Variants in BCAS1 observed in about 807,000 individuals in gnomAD.
The protein encoded by BCAS1 is breast carcinoma-amplified sequence 1.
A neutral mutation model predicts 65.4 loss-of-function variants in BCAS1; 46 were observed. The observed-to-expected ratio is 0.70, with a 90% CI of 0.55 to 0.90. The LOEUF (loss-of-function observed/expected upper bound fraction) is 0.90, where lower values mean the gene tolerates loss of function less well. Among genes scored for constraint, BCAS1 ranks in the 40% least tolerant of loss-of-function variants. The probability of loss-of-function intolerance (pLI) is 0.00; values close to 1 mark genes in which losing one functional copy is unlikely to be tolerated. For missense variants in BCAS1, 793 were observed against 771.2 expected, an observed-to-expected ratio of 1.03 and a Z score of -0.33; for synonymous variants, 298 against 293.5, an observed-to-expected ratio of 1.02 and a Z score of -0.16.
intron 4 of BCAS1, among the ~76,000 whole-genome samples, chr20:54,000,689 C>T (rs1285333357): frequency 6.6e-6 from 1 of 152,100 alleles, no homozygotes; most frequent in African/African-American, 2.4e-5. Context: ...CACCCACTGC[C>T]CTGTGGTTCC....
chr20:53,987,311 G>A (rs988358682), intron 7 of BCAS1, among the ~76,000 whole-genome samples: 3 of 152,178 alleles, frequency 2.0e-5, no homozygotes, highest in Admixed American at 1.3e-4. Flanking sequence ...ATACAAAATG[G>A]CAAAATGTTG....
At chr20:54,029,490 C>A (rs290453) in intron 3 of BCAS1, among the ~76,000 whole-genome samples, 55,333 of 152,032 alleles carry the variant, frequency 0.36, 10,106 homozygotes, top group South Asian at 0.46. Context: ...GTCATGGCAA[C>A]CAAAAATATC....
chr20:53,977,865 T>G (rs1398249181), intron 8 of BCAS1, among the ~76,000 whole-genome samples: 1 of 152,160 alleles, frequency 6.6e-6, no homozygotes, highest in Non-Finnish European at 1.5e-5. Context: ...TTTCATACCA[T>G]GTTCTAATTC....
At chr20:53,975,494 A>C in intron 8 of BCAS1, 64 bp from the exon 9 acceptor site, 2 of 1,399,702 alleles carry the variant, frequency 1.4e-6, no homozygotes, top group East Asian at 2.3e-5. Flanking sequence ...TGTTACATAA[A>C]AGCAAAGGGT....
At chr20:53,992,404 A>G in intron 7 of BCAS1, 108 bp downstream of exon 7, 1 of 924,766 alleles carries the variant, frequency 1.1e-6, no homozygotes, top group Non-Finnish European at 1.5e-6. Flanking sequence ...GATCCCCACC[A>G]CCCAAGGCTC....
At chr20:53,954,578 G>A (rs1011673718) in intron 11 of BCAS1, among the ~76,000 whole-genome samples, 8 of 152,112 alleles carry the variant, frequency 5.3e-5, no homozygotes, top group South Asian at 2.1e-4. Flanking sequence ...AATGTATATC[G>A]TTTTTTGTCA....
intron 12 of BCAS1, among the ~76,000 whole-genome samples, chr20:53,952,170 G>A (rs916713794): frequency 4.6e-5 from 7 of 152,212 alleles, no homozygotes; most frequent in Non-Finnish European, 7.3e-5. Flanking sequence ...TTCAAGTAAT[G>A]TATTCCAACT....
intron 11 of BCAS1, among the ~76,000 whole-genome samples, chr20:53,956,919 C>T (rs1475212712): frequency 6.6e-6 from 1 of 152,024 alleles, no homozygotes; most frequent in African/African-American, 2.4e-5. Context: ...ACTGTGTGAC[C>T]CCCCGACTCC....
At chr20:54,012,555 G>C (rs2091345566) in intron 4 of BCAS1, among the ~76,000 whole-genome samples, 1 of 151,602 alleles carries the variant, frequency 6.6e-6, no homozygotes, top group Non-Finnish European at 1.5e-5. Context: ...GGGATCTGCA[G>C]TTAAATAAAT....
intron 12 of BCAS1, among the ~76,000 whole-genome samples, chr20:53,950,362 T>C (rs988243292): frequency 2.0e-5 from 3 of 152,140 alleles, no homozygotes; most frequent in Admixed American, 2.0e-4. Context: ...CTGGCACCTT[T>C]AACCTTTCCT....
chr20:53,945,593 A>G (rs1487257858), intron 12 of BCAS1, among the ~76,000 whole-genome samples: 1 of 151,998 alleles, frequency 6.6e-6, no homozygotes, highest in Non-Finnish European at 1.5e-5. Context: ...CTCTCAGAAC[A>G]TACCACTCTC....
At chr20:53,996,355 T>G (rs1396037769) in intron 4 of BCAS1, among the ~76,000 whole-genome samples, 1 of 151,426 alleles carries the variant, frequency 6.6e-6, no homozygotes, top group East Asian at 1.9e-4. Flanking sequence ...AGAAGTTGTG[T>G]AAGGTATCGA....
chr20:54,022,487 T>C (rs887516220), intron 4 of BCAS1, among the ~76,000 whole-genome samples: 1 of 152,220 alleles, frequency 6.6e-6, no homozygotes, highest in African/African-American at 2.4e-5. Context: ...TATTATCTTC[T>C]AACTTTACAA....
chr20:54,031,862 G>A (rs1343005076), intron 3 of BCAS1, among the ~76,000 whole-genome samples: 2 of 151,092 alleles, frequency 1.3e-5, no homozygotes, highest in Non-Finnish European at 3.0e-5. Context: ...ATGATTGATT[G>A]GGGTGTCTGA....
intron 3 of BCAS1, among the ~76,000 whole-genome samples, chr20:54,053,433 G>C (rs1354883053): frequency 6.6e-6 from 1 of 152,214 alleles, no homozygotes; most frequent in Non-Finnish European, 1.5e-5. Flanking sequence ...TATTTTCCCT[G>C]ATTGATATCT....
Position 53,944,785 on chromosome 20 carries a change from C to G in BCAS1, c.*137G>C, listed in dbSNP as rs770834027. On this transcript the variant is annotated 3_prime_UTR_variant, in exon 13 of 13. Coordinates refer to ENST00000688948, the MANE Select transcript of BCAS1 (RefSeq NM_001366298.2). ...TAATACACCTCAATATACAACAGCT[C>G]GGGCTTAATTTCTAGGCAGAATTTC... 2 of 836,618 alleles carry G rather than the reference C, an allele frequency of 2.4e-6. No individual in the cohort carries two copies. Among genetic ancestry groups the G allele is most frequent in the Non-Finnish European group, 4.1e-6 (2 of 486,104 alleles). 51.8% of individuals were successfully genotyped at this position (836,618 alleles called of 1,614,324 possible).
In BCAS1 at chr20:54,064,226, T is replaced by C. The variant is rs1223757023; in HGVS notation, c.-5-5503A>G. Among the ~76,000 whole-genome samples the C allele has an allele frequency of 5.9e-5, 9 of 152,334 alleles. No homozygotes were observed. In the East Asian group the frequency reaches 1.7e-3, roughly 29 times the overall value. On this transcript the variant is annotated intron_variant, in intron 1 of 12. Transcript: ENST00000688948. The stretch of plus-strand genomic sequence containing the variant: ...GACAGCAGATTCTCTGGGGTGGGGC[T>C]GGGCATCGGGGTACTTTCAAGATCT...
At chr20:53,984,593 C>T (rs73140334) in intron 8 of BCAS1, among the ~76,000 whole-genome samples, 4,867 of 152,290 alleles carry the variant, frequency 0.032, 106 homozygotes, top group Middle Eastern at 0.095. Context: ...TCATCTCCAA[C>T]TTCTTGCTCA....
intron 3 of BCAS1, among the ~76,000 whole-genome samples, chr20:54,051,634 T>A (rs533085959): frequency 6.6e-6 from 1 of 152,198 alleles, no homozygotes; most frequent in Non-Finnish European, 1.5e-5. Flanking sequence ...CCTTCTAACA[T>A]AGCAAATGAT....
Sources: allele counts gnomAD v4.1 joint callset (sites outside exome capture counted in the v4.1 genomes callset), GRCh38; gene constraint gnomAD v4.1.1; transcripts MANE v1.5; gene names NCBI Gene and HGNC (gene_info 2026-07-23, HGNC 2026-07-21).